Variants in SHANK1 observed in about 807,000 individuals in gnomAD.
SHANK1 encodes SH3 and multiple ankyrin repeat domains 1, also known as SH3 and multiple ankyrin repeat domains protein 1.
A neutral mutation model predicts 165.6 loss-of-function variants in SHANK1; 35 were observed. The observed-to-expected ratio is 0.21, with a 90% confidence interval of 0.16 to 0.28. SHANK1 has a LOEUF of 0.28. Among genes scored for constraint, SHANK1 ranks in the 10% least tolerant of loss-of-function variants. The probability of loss-of-function intolerance (pLI) is 1.00; values close to 1 mark genes in which losing one functional copy is unlikely to be tolerated. For synonymous variants in SHANK1, 1,428 were observed against 1,384.8 expected, an observed-to-expected ratio of 1.03 and a Z score of -0.69; for missense variants, 2,681 against 3,036.4, an observed-to-expected ratio of 0.88 and a Z score of 2.75.
chr19:50,666,427 C>G lies in SHANK1; in HGVS notation c.5533G>C (p.Gly1845Arg). ...RKLLPWEEGPGPPPPPLPGPL... is the reference protein window; with the variant it reads ...RKLLPWEEGPRPPPPPLPGPL... Reference sequence around the variant, plus strand: ...CCGGGCAGAGGTGGTGGCGGTGGGCCCGGGCCCTCCTCCCAGGGCAGCAGC... The same window carrying G: ...CCGGGCAGAGGTGGTGGCGGTGGGCGCGGGCCCTCCTCCCAGGGCAGCAGC... Residue 1845 changes from glycine (G) to arginine (R), a missense_variant, in exon 23 of 24, where the codon GGC becomes CGC. This residue lies in a region of SHANK1 where 1,713 missense variants were observed against 1,630.2 expected (regional missense o/e 1.05). Transcript: ENST00000293441. 6.2e-7 allele frequency: 1 copy of G among 1,610,786 alleles called. No homozygotes were observed. The highest frequency in any genetic ancestry group is 8.5e-7 in the Non-Finnish European group (1 of 1,179,054).
intron 23 of SHANK1, among the ~76,000 whole-genome samples, chr19:50,665,050 C>T (rs1195333334): frequency 6.6e-6 from 1 of 152,182 alleles, no homozygotes; most frequent in East Asian, 1.9e-4. Flanking sequence ...AACCACCACG[C>T]CCAGCCTGTT....
intron 15 of SHANK1, among the ~76,000 whole-genome samples, chr19:50,694,651 C>G (rs1986666816): frequency 3.0e-5 from 3 of 99,414 alleles, no homozygotes; most frequent in Admixed American, 1.3e-4. Flanking sequence ...CCAGGGCTGA[C>G]GAGTGCGTAT....
chr19:50,685,929 G>T (rs1157446701), intron 21 of SHANK1, among the ~76,000 whole-genome samples: 1 of 151,990 alleles, frequency 6.6e-6, no homozygotes, highest in Admixed American at 6.6e-5. Context: ...ACATCATTTT[G>T]CCTTCCTTGA....
In SHANK1 at chr19:50,716,458, G is replaced by A. The variant is rs781441338; in HGVS notation, c.276C>T (p.Pro92=). 81 of 1,614,038 alleles carry A rather than the reference G, an allele frequency of 5.0e-5. No individual in the cohort carries two copies. The highest frequency in any genetic ancestry group is 6.4e-5 in the Non-Finnish European group (75 of 1,180,032). The change falls in exon 3 of 24, where the codon CCC becomes CCT. Residue 92 remains proline, a synonymous_variant. Transcript: ENST00000293441. The surrounding 1 kb of genome is among the most constrained non-coding windows in gnomAD (Gnocchi z 8.4). ...GCTTGGCCGTCCAGATGGTGGCATC[G>A]GGGTTGAAGCGAAGGCATTTCTGGT... ...LHQTKCLRFN[P]DATIWTAKQQ...
intron 8 of SHANK1, 95 bp downstream of exon 8, chr19:50,711,276 G>C: frequency 1.4e-6 from 1 of 728,400 alleles, no homozygotes; most frequent in Non-Finnish European, 2.4e-6. Flanking sequence ...AGTGGAGGGT[G>C]CAGAGATGCA....
At chr19:50,675,492 G>A (rs1328126949) in intron 21 of SHANK1, among the ~76,000 whole-genome samples, 1 of 152,098 alleles carries the variant, frequency 6.6e-6, no homozygotes, top group Non-Finnish European at 1.5e-5. Context: ...GGGACTGTCT[G>A]TTTCTATGTT....
chr19:50,694,469 G>A (rs1475972016), intron 15 of SHANK1, among the ~76,000 whole-genome samples: 1 of 149,686 alleles, frequency 6.7e-6, no homozygotes, highest in Admixed American at 6.6e-5. Context: ...AAGCCACGGT[G>A]GCTCCCCACA....
Position 50,662,759 on chromosome 19 carries a change from TCAAGATATAGGGAGAGAGGAGGAGAGA to T in SHANK1, c.5769-104_5769-78del. 3 of 1,486,662 alleles carry T rather than the reference TCAAGATATAGGGAGAGAGGAGGAGAGA, an allele frequency of 2.0e-6. No individual in the cohort carries two copies. Among genetic ancestry groups the T allele is most frequent in the Non-Finnish European group, 2.7e-6 (3 of 1,100,846 alleles). The allele number at this position is 1,486,662 out of a possible 1,614,324, so 92.1% of individuals were successfully genotyped here. ...GGCAGGGGTGAGAAAGAGGCAGAGG[TCAAGATATAGGGAGAGAGGAGGAGAGA>T]CATAAGGGTAGGGGGAGAGACGGAG... On this transcript the variant is annotated intron_variant, in intron 23 of 23. Transcript: ENST00000293441. This position sits in a 1 kb window ranked among gnomAD's most constrained non-coding sequence, Gnocchi z 7.7.
In SHANK1 at chr19:50,673,981, C is replaced by T. The variant is rs1291870200; in HGVS notation, c.2578-1867G>A. On this transcript the variant is annotated intron_variant, in intron 21 of 23. Transcript: ENST00000293441. ...TAATTTTTAAATTTTTTTGCAGAGG[C>T]GAGTTCTTGCTATGTTGCCCAGGCT... Among the ~76,000 whole-genome samples, 7 of 151,790 alleles carry T rather than the reference C, an allele frequency of 4.6e-5. No individual in the cohort carries two copies. In the East Asian group the frequency reaches 7.7e-4, roughly 17 times the overall value.
chr19:50,692,091 G>A (rs765600133), intron 15 of SHANK1, among the ~76,000 whole-genome samples: 1 of 151,944 alleles, frequency 6.6e-6, no homozygotes, highest in Non-Finnish European at 1.5e-5. Context: ...GAGAATACTC[G>A]GGTAACTGCA....
rs34189048 is a variant in SHANK1 at position 50,662,808 on chromosome 19, G to A, written c.5769-126C>T. 0.12 allele frequency: 113,124 copies of A among 956,992 alleles called. 8,777 individuals carry two copies. The highest frequency in any genetic ancestry group is 0.18 in the Middle Eastern group (555 of 3,078). 59.3% of individuals were successfully genotyped at this position (956,992 alleles called of 1,614,324 possible). ...GAGACATAAGGGTAGGGGGAGAGACGGAGGAGAGACGGGAAGAAATGGAGG... is the reference window on the plus strand; with the variant it reads ...GAGACATAAGGGTAGGGGGAGAGACAGAGGAGAGACGGGAAGAAATGGAGG... On this transcript the variant is annotated intron_variant, in intron 23 of 23. Transcript: ENST00000293441. The surrounding 1 kb of genome is among the most constrained non-coding windows in gnomAD (Gnocchi z 7.7).
Position 50,666,634 on chromosome 19 carries a change from G to T in SHANK1, c.5326C>A (p.Leu1776Ile). Residue 1776 changes from leucine (L) to isoleucine (I), a missense_variant, in exon 23 of 24, where the codon CTC (leucine) becomes ATC (isoleucine). Coordinates refer to ENST00000293441, the MANE Select transcript of SHANK1 (RefSeq NM_016148.5). ...CTGGTGGGGGTAACAGGGTCTCGGA[G>T]TCCCCCGCTGGGGCCAGGCCGCAGG... is the stretch of plus-strand genomic sequence containing the variant. ...GGLRPGPSGG[L>I]RDPVTPTSPT... The T allele has an allele frequency of 2.5e-6, 4 of 1,596,802 alleles. No homozygotes were observed. The highest frequency in any genetic ancestry group is 1.7e-6 in the Non-Finnish European group (2 of 1,174,708).
intron 5 of SHANK1, 85 bp from the exon 6 acceptor site, chr19:50,714,034 C>A: frequency 1.9e-6 from 3 of 1,568,896 alleles, no homozygotes; most frequent in Non-Finnish European, 2.6e-6. Context: ...CAGCTCTCCA[C>A]CCCACAGCCT....
Position 50,668,189 on chromosome 19 carries a change from G to T in SHANK1, c.3771C>A (p.Phe1257Leu). The change falls in exon 23 of 24, where the codon TTC (phenylalanine) becomes TTA (leucine). Residue 1257 changes from phenylalanine to leucine, a missense_variant. Around this residue, in one of 10 missense-constraint regions of SHANK1, gnomAD observed 1,713 missense variants for 1,630.2 expected, o/e 1.05. Coordinates refer to ENST00000293441, the MANE Select transcript of SHANK1 (RefSeq NM_016148.5). ...QNEARRRSTL[F>L]LSTDAGDEDG... ...CCTCGTCCCCCGCGTCGGTGGACAG[G>T]AACAGCGTGGAGCGCCGGCGCGCCT... 1 of 1,496,188 alleles carries T rather than the reference G, an allele frequency of 6.7e-7. No homozygotes were observed. Among genetic ancestry groups the T allele is most frequent in the Non-Finnish European group, 8.8e-7 (1 of 1,134,874 alleles). The allele number at this position is 1,496,188 out of a possible 1,614,324, so 92.7% of individuals were successfully genotyped here.
intron 21 of SHANK1, among the ~76,000 whole-genome samples, chr19:50,681,190 A>T (rs1179575478): frequency 6.6e-6 from 1 of 151,796 alleles, no homozygotes. Context: ...ATCTGTATTG[A>T]CTCAGAGAGC....
Position 50,668,568 on chromosome 19 carries a change from G to A in SHANK1, c.3392C>T (p.Ser1131Leu), listed in dbSNP as rs1202106650. 3 of 1,334,994 alleles carry A rather than the reference G, an allele frequency of 2.2e-6. No homozygotes were observed. Among genetic ancestry groups the A allele is most frequent in the Non-Finnish European group, 2.9e-6 (3 of 1,041,834 alleles). The allele number at this position is 1,334,994 out of a possible 1,614,324, so 82.7% of individuals were successfully genotyped here. A position where few individuals can be genotyped will look rare whatever the true frequency, so the allele number is the denominator to read the frequency against. Residue 1131 changes from serine to leucine, a missense_variant, in exon 23 of 24, where the codon TCG becomes TTG. Coordinates refer to ENST00000293441, the MANE Select transcript of SHANK1 (RefSeq NM_016148.5). The part of the protein sequence containing the change: ...QKGGGLPPAP[S>L]PTSPASPQPP... ...CTGCGGGGAGGCCGGGGACGTGGGCGACGGCGCGGGCGGGAGGCCGCCGCC... is the reference window on the plus strand; with the variant it reads ...CTGCGGGGAGGCCGGGGACGTGGGCAACGGCGCGGGCGGGAGGCCGCCGCC...
intron 6 of SHANK1, among the ~76,000 whole-genome samples, chr19:50,712,891 A>T (rs967843250): frequency 2.0e-5 from 3 of 152,166 alleles, no homozygotes; most frequent in African/African-American, 7.2e-5. Context: ...ATTTAAATTT[A>T]AACAGCCCCA....
rs202220218 is a variant in SHANK1, at chr19:50,686,406, C to T, written c.2459-51G>A. On this transcript the variant is annotated intron_variant, in intron 20 of 23. Coordinates refer to ENST00000293441, the MANE Select transcript of SHANK1 (RefSeq NM_016148.5). This position sits in a 1 kb window ranked among gnomAD's most constrained non-coding sequence, Gnocchi z 5.7. ...TGGGAAGACAATGAAATGAAGTTTG[C>T]TTTGACCCGGGCCGCAAAGACCAGA... is the stretch of plus-strand genomic sequence containing the variant. 1,010 of 1,357,284 alleles carry T rather than the reference C, an allele frequency of 7.4e-4. 2 individuals carry two copies. Among genetic ancestry groups the T allele is most frequent in the Non-Finnish European group, 9.5e-4 (932 of 979,144 alleles). 84.1% of individuals were successfully genotyped at this position (1,357,284 alleles called of 1,614,324 possible). A position where few individuals can be genotyped will look rare whatever the true frequency, so the allele number is the denominator to read the frequency against.
intron 23 of SHANK1, among the ~76,000 whole-genome samples, chr19:50,665,042 C>T (rs1308146695): frequency 6.6e-6 from 1 of 152,192 alleles, no homozygotes; most frequent in Non-Finnish European, 1.5e-5. Flanking sequence ...CAGGCGTGAA[C>T]CACCACGCCC....
Sources: gnomAD v4.1 joint callset for allele counts (sites outside exome capture counted in the v4.1 genomes callset) on GRCh38, gnomAD v4.1.1 for gene constraint, gnomAD v4.1.1 regional missense constraint, Gnocchi (gnomAD v3.1) non-coding constraint, MANE v1.5 for transcripts, NCBI Gene and HGNC (gene_info 2026-07-23, HGNC 2026-07-21) for gene names.